The following BATF variants were observed in gnomAD, a reference collection of about 807,000 sequenced individuals.
BATF encodes basic leucine zipper transcriptional factor ATF-like.
In BATF, 5 loss-of-function variants were observed where a neutral mutation model predicts 13.7. That is an observed-to-expected ratio of 0.36 (90% CI 0.19 to 0.77). The LOEUF (loss-of-function observed/expected upper bound fraction) is 0.77. BATF is among the 30% of genes least tolerant of loss of function. The pLI is 0.51. For missense variants in BATF, 124 were observed against 163.0 expected (o/e 0.76, Z 1.30); for synonymous variants, 72 against 67.5 (o/e 1.07, Z -0.33).
chr14:75,546,729 G>A lies in BATF; in HGVS notation c.*58G>A. ...GGGGCACACAGACTGTGGCAGAGCT[G>A]CGCCCATCCCGCAGAGGCCCCTGTC... On this transcript the variant is annotated 3_prime_UTR_variant, in exon 3 of 3. Coordinates refer to ENST00000286639, the MANE Select transcript of BATF (RefSeq NM_006399.5). 1.3e-6 allele frequency: 2 copies of A among 1,488,630 alleles called. No homozygotes were observed. Among genetic ancestry groups the A allele is most frequent in the Non-Finnish European group, 1.8e-6 (2 of 1,114,876 alleles). 92.2% of individuals were successfully genotyped at this position (1,488,630 alleles called of 1,614,324 possible). A position where few individuals can be genotyped will look rare whatever the true frequency, so the allele number is the denominator to read the frequency against.
At chr14:75,536,869 T>A (rs560383898) in intron 2 of BATF, among the ~76,000 whole-genome samples, 1 of 152,306 alleles carries the variant, frequency 6.6e-6, no homozygotes. Flanking sequence ...TGATCATAAG[T>A]TGAGAAGCAA....
chr14:75,546,769 G>A lies in BATF; in HGVS notation c.*98G>A. ...AGGCCCCTGTCCACCTGGAGACCCG[G>A]AGACAGAGGCCTGGACAAGGAGTGA... On this transcript the variant is annotated 3_prime_UTR_variant, in exon 3 of 3. Transcript: ENST00000286639. 7.3e-7 allele frequency: 1 copy of A among 1,378,734 alleles called. No homozygotes were observed. Among genetic ancestry groups the A allele is most frequent in the Non-Finnish European group, 9.8e-7 (1 of 1,021,610 alleles). The allele number at this position is 1,378,734 out of a possible 1,614,324, so 85.4% of individuals were successfully genotyped here.
intron 2 of BATF, among the ~76,000 whole-genome samples, chr14:75,530,856 T>C (rs1051211756): frequency 6.6e-6 from 1 of 152,154 alleles, no homozygotes; most frequent in Non-Finnish European, 1.5e-5. Flanking sequence ...CATATATGCA[T>C]AAGTATAAAT....
At chr14:75,544,638 T>C (rs2300605) in intron 2 of BATF, among the ~76,000 whole-genome samples, 35,120 of 151,198 alleles carry the variant, frequency 0.23, 4,250 homozygotes, top group Middle Eastern at 0.29. Flanking sequence ...TGATTCACAT[T>C]CCTAGATTTT....
At chr14:75,525,727 G>A (rs1432192572) in intron 2 of BATF, among the ~76,000 whole-genome samples, 1 of 151,984 alleles carries the variant, frequency 6.6e-6, no homozygotes, top group Admixed American at 6.5e-5. Flanking sequence ...ACAGAGAAAT[G>A]GGCCTTTCTA....
At chr14:75,523,790 A>G (rs142739467) in intron 1 of BATF, among the ~76,000 whole-genome samples, 43 of 152,326 alleles carry the variant, frequency 2.8e-4, no homozygotes, top group African/African-American at 9.9e-4. Flanking sequence ...GTATATCCTA[A>G]GCCTCTAATA....
intron 2 of BATF, among the ~76,000 whole-genome samples, chr14:75,532,193 C>T (rs1319690536): frequency 6.6e-6 from 1 of 152,202 alleles, no homozygotes; most frequent in Non-Finnish European, 1.5e-5. Context: ...ATTTTCCTAA[C>T]CATTAAGTTT....
At chr14:75,528,021 A>G (rs1887677919) in intron 2 of BATF, among the ~76,000 whole-genome samples, 2 of 152,192 alleles carry the variant, frequency 1.3e-5, no homozygotes, top group South Asian at 4.1e-4. Context: ...ACAATCACCT[A>G]TCTTCTCCAT....
chr14:75,530,876 T>A (rs1887721933), intron 2 of BATF, among the ~76,000 whole-genome samples: 2 of 152,170 alleles, frequency 1.3e-5, no homozygotes, highest in Non-Finnish European at 2.9e-5. Context: ...TGCAAACTTT[T>A]TCAAATAGAT....
chr14:75,534,122 T>C (rs552025347), intron 2 of BATF, among the ~76,000 whole-genome samples: 1 of 152,252 alleles, frequency 6.6e-6, no homozygotes, highest in Admixed American at 6.5e-5. Flanking sequence ...TTTAAAGAGA[T>C]TTTAAAGTTG....
intron 2 of BATF, among the ~76,000 whole-genome samples, chr14:75,533,771 T>C (rs1232405864): frequency 6.6e-6 from 1 of 152,160 alleles, no homozygotes; most frequent in Non-Finnish European, 1.5e-5. Context: ...ATCATAATAG[T>C]CATACTACCT....
chr14:75,525,403 C>A (rs1472859234), intron 2 of BATF, among the ~76,000 whole-genome samples: 4 of 151,952 alleles, frequency 2.6e-5, no homozygotes, highest in Non-Finnish European at 4.4e-5. Context: ...TGGCTCACAC[C>A]TGTAATCCCA....
chr14:75,523,239 G>A (rs1887602013), intron 1 of BATF, among the ~76,000 whole-genome samples: 1 of 151,734 alleles, frequency 6.6e-6, no homozygotes, highest in Non-Finnish European at 1.5e-5. Flanking sequence ...AGAAGAAGAG[G>A]AAGAAGGAGG....
intron 2 of BATF, among the ~76,000 whole-genome samples, chr14:75,535,902 G>A (rs1267476281): frequency 6.6e-6 from 1 of 152,128 alleles, no homozygotes; most frequent in Non-Finnish European, 1.5e-5. Flanking sequence ...GTACTCAGCT[G>A]GCATAAGAAT....
At chr14:75,544,261 T>C (rs1229631647) in intron 2 of BATF, among the ~76,000 whole-genome samples, 1 of 151,860 alleles carries the variant, frequency 6.6e-6, no homozygotes, top group Admixed American at 6.6e-5. Context: ...AAATTATTAT[T>C]ATTTTTTTAA....
rs962424437 is a variant in BATF at position 75,546,609 on chromosome 14, G to A, written c.316G>A (p.Val106Met). 1 of 1,613,844 alleles carries A rather than the reference G, an allele frequency of 6.2e-7. No individual in the cohort carries two copies. The highest frequency in any genetic ancestry group is 1.1e-5 in the South Asian group (1 of 91,038). The part of the protein sequence containing the change: ...LAASTPSPPE[V>M]VYSAHAFHQP... ...CGCCAGCACGCCCTCGCCCCCCGAG[G>A]TGGTGTACAGCGCCCACGCATTCCA... The change falls in exon 3 of 3, where the codon GTG becomes ATG. Residue 106 changes from valine to methionine, a missense_variant. This residue lies in a region of BATF where 59 missense variants were observed against 49.7 expected (regional missense o/e 1.19). Transcript: ENST00000286639.
chr14:75,524,202 A>T (rs1887618322), intron 1 of BATF, among the ~76,000 whole-genome samples: 1 of 152,218 alleles, frequency 6.6e-6, no homozygotes, highest in African/African-American at 2.4e-5. Flanking sequence ...CTGCCCAGGC[A>T]CAGGACATGC....
At chr14:75,542,696 G>T (rs1350231943) in intron 2 of BATF, among the ~76,000 whole-genome samples, 6 of 152,226 alleles carry the variant, frequency 3.9e-5, no homozygotes, top group Admixed American at 2.0e-4. Flanking sequence ...ACGGTCCCTG[G>T]GCTGGCAGGG....
intron 2 of BATF, among the ~76,000 whole-genome samples, chr14:75,544,458 G>A (rs962345756): frequency 4.0e-5 from 6 of 151,408 alleles, no homozygotes; most frequent in African/African-American, 1.2e-4. Context: ...CCAGCAACTC[G>A]GGAGGTTGAG....
Sources: allele counts gnomAD v4.1 joint callset (sites outside exome capture counted in the v4.1 genomes callset), GRCh38; gene constraint gnomAD v4.1.1; regional missense constraint gnomAD v4.1.1; transcripts MANE v1.5; gene names NCBI Gene and HGNC (gene_info 2026-07-23, HGNC 2026-07-21).